Variants in PTPRD observed in about 807,000 individuals in gnomAD.
PTPRD encodes protein tyrosine phosphatase receptor type D, also known as receptor-type tyrosine-protein phosphatase delta.
In PTPRD, 34 loss-of-function variants were observed where a neutral mutation model predicts 214.5. The ratio of observed to expected loss-of-function variants is 0.16; its 90% CI spans 0.12 to 0.21. PTPRD has a LOEUF of 0.21. Ranked by LOEUF, PTPRD falls within the 10% of genes least tolerant of loss-of-function variation. The probability of loss-of-function intolerance (pLI) is 1.00; values close to 1 mark genes in which losing one functional copy is unlikely to be tolerated. For missense variants in PTPRD, 2,545 were observed against 2,398.7 expected, an observed-to-expected ratio of 1.06 and a Z score of -1.27; for synonymous variants, 1,128 against 845.7, an observed-to-expected ratio of 1.33 and a Z score of -5.79.
chr9:8,651,673 A>G (rs1170977578), intron 12 of PTPRD, among the ~76,000 whole-genome samples: 1 of 152,198 alleles, frequency 6.6e-6, no homozygotes, highest in East Asian at 1.9e-4. Flanking sequence ...GAACTGAAAC[A>G]CATACACACT....
chr9:9,367,696 C>G (rs147979358), intron 9 of PTPRD, among the ~76,000 whole-genome samples: 3 of 151,512 alleles, frequency 2.0e-5, no homozygotes, highest in East Asian at 2.0e-4. Flanking sequence ...GAGACGTGTT[C>G]GGACAAAAAA....
chr9:8,406,416 C>G (rs2092986052), intron 35 of PTPRD, among the ~76,000 whole-genome samples: 1 of 152,194 alleles, frequency 6.6e-6, no homozygotes, highest in African/African-American at 2.4e-5. Flanking sequence ...GAAATCCCTT[C>G]TCTAATCTCT....
At chr9:10,410,147 T>A (rs1232543370) in intron 2 of PTPRD, among the ~76,000 whole-genome samples, 1 of 150,702 alleles carries the variant, frequency 6.6e-6, no homozygotes, top group Non-Finnish European at 1.5e-5. Flanking sequence ...TTCTCTTTAT[T>A]CAAACCCATC....
At chr9:9,313,170 T>G (rs2135560858) in intron 9 of PTPRD, among the ~76,000 whole-genome samples, 1 of 152,208 alleles carries the variant, frequency 6.6e-6, no homozygotes, top group South Asian at 2.1e-4. Flanking sequence ...TAAACCTGGT[T>G]TTGCTGTGTG....
Position 10,295,532 on chromosome 9 carries a change from A to C in PTPRD, c.-545+45431T>G, listed in dbSNP as rs376152176. On this transcript the variant is annotated intron_variant, in intron 3 of 45. Transcript: ENST00000381196. ...CTGCTTTCTCTTAGGTTCTCCGATTACTCCCTTCTCTGTGATTACACAGCA... is the reference window on the plus strand; with the variant it reads ...CTGCTTTCTCTTAGGTTCTCCGATTCCTCCCTTCTCTGTGATTACACAGCA... 7.6e-4 allele frequency among the ~76,000 whole-genome samples: 116 copies of C among 152,076 alleles called. 2 individuals carry two copies. In the South Asian group the frequency reaches 0.021, roughly 28 times the overall value.
chr9:9,239,541 A>G (rs1050034999), intron 9 of PTPRD, among the ~76,000 whole-genome samples: 3 of 152,166 alleles, frequency 2.0e-5, no homozygotes, highest in African/African-American at 7.2e-5. Flanking sequence ...GATATTTTTG[A>G]TACTTGCCTG....
chr9:9,208,553 C>G (rs1445161140), intron 9 of PTPRD, among the ~76,000 whole-genome samples: 1 of 151,778 alleles, frequency 6.6e-6, no homozygotes, highest in Non-Finnish European at 1.5e-5. Flanking sequence ...ACATATTTAT[C>G]AAACTAAATT....
At chr9:8,637,142 G>A (rs1192603520) in intron 12 of PTPRD, among the ~76,000 whole-genome samples, 3 of 152,086 alleles carry the variant, frequency 2.0e-5, no homozygotes, top group Non-Finnish European at 2.9e-5. Context: ...TTTATTACCA[G>A]TATATAAAAA....
chr9:8,574,233 C>T (rs1453165351), intron 14 of PTPRD, among the ~76,000 whole-genome samples: 1 of 151,976 alleles, frequency 6.6e-6, no homozygotes, highest in South Asian at 2.1e-4. Flanking sequence ...TTACCAAAAT[C>T]ATGATCATCA....
At chr9:8,794,856 C>A (rs1445224268) in intron 11 of PTPRD, among the ~76,000 whole-genome samples, 1 of 149,720 alleles carries the variant, frequency 6.7e-6, no homozygotes, top group East Asian at 2.0e-4. Context: ...AACTTATGAT[C>A]ATGAAAAAAA....
chr9:9,906,386 T>C (rs1363957007), intron 5 of PTPRD, among the ~76,000 whole-genome samples: 1 of 151,968 alleles, frequency 6.6e-6, no homozygotes, highest in Non-Finnish European at 1.5e-5. Flanking sequence ...CTTTATTTTA[T>C]ATAGACTACA....
chr9:9,782,606 A>G (rs964857236), intron 5 of PTPRD, among the ~76,000 whole-genome samples: 1 of 152,198 alleles, frequency 6.6e-6, no homozygotes, highest in African/African-American at 2.4e-5. Flanking sequence ...TAATCCTTTG[A>G]CTTAACCATG....
chr9:8,897,791 C>G (rs983650890), intron 11 of PTPRD, among the ~76,000 whole-genome samples: 4 of 152,158 alleles, frequency 2.6e-5, no homozygotes, highest in African/African-American at 7.2e-5. Context: ...ACATTTGATT[C>G]CTTGTCACTT....
At chr9:10,344,147 T>C (rs999522803) in intron 2 of PTPRD, among the ~76,000 whole-genome samples, 40 of 151,648 alleles carry the variant, frequency 2.6e-4, no homozygotes, top group African/African-American at 9.7e-4. Context: ...TCTTCTAGGG[T>C]TTTTATGGTT....
chr9:8,713,235 C>G (rs1174611455), intron 12 of PTPRD: 5 of 615,810 alleles, frequency 8.1e-6, no homozygotes, highest in Non-Finnish European at 1.4e-5. Context: ...CGCTCCTAAA[C>G]TGAGTCTCCA....
intron 8 of PTPRD, among the ~76,000 whole-genome samples, chr9:9,553,558 T>C (rs1006591427): frequency 6.6e-6 from 1 of 152,040 alleles, no homozygotes; most frequent in Non-Finnish European, 1.5e-5. Flanking sequence ...GATCATGCTC[T>C]TTCTACAGTG....
At position 8,914,783 on chromosome 9, in the gene PTPRD, G is replaced by C. The variant is rs538386661; in HGVS notation, c.-104+103914C>G. On this transcript the variant is annotated intron_variant, in intron 11 of 45. Transcript: ENST00000381196. ...TTAGACCAACAAAAGATTTATTCAG[G>C]AGAGACACCATTTAGAATTGATGAT... 3.3e-5 allele frequency among the ~76,000 whole-genome samples: 5 copies of C among 152,188 alleles called. No homozygotes were observed. The East Asian group carries it at 9.7e-4, about 29-fold the overall frequency.
intron 2 of PTPRD, among the ~76,000 whole-genome samples, chr9:10,437,129 T>A (rs550536580): frequency 6.6e-6 from 1 of 151,778 alleles, no homozygotes; most frequent in Non-Finnish European, 1.5e-5. Context: ...GAACCCATCA[T>A]CCCTATATAC....
At chr9:9,861,070 C>T (rs1429645891) in intron 5 of PTPRD, among the ~76,000 whole-genome samples, 5 of 152,024 alleles carry the variant, frequency 3.3e-5, no homozygotes, top group East Asian at 3.9e-4. Flanking sequence ...TTATTTCTTT[C>T]AACAGTAAAA....
Sources: gnomAD v4.1 joint callset for allele counts (sites outside exome capture counted in the v4.1 genomes callset) on GRCh38, gnomAD v4.1.1 for gene constraint, MANE v1.5 for transcripts, NCBI Gene and HGNC (gene_info 2026-07-23, HGNC 2026-07-21) for gene names.